STMN3: variants seen among roughly 807,000 people sequenced by gnomAD.
STMN3 encodes stathmin 3.
Under a neutral mutation model 23.2 loss-of-function variants are expected in STMN3, and 24 were observed. The observed-to-expected ratio is 1.03, with a 90% CI of 0.75 to 1.45. The LOEUF (loss-of-function observed/expected upper bound fraction) is 1.45, where lower values mean the gene tolerates loss of function less well. Ranked by LOEUF, STMN3 falls within the 40% of genes most tolerant of loss-of-function variation. The pLI, the probability that STMN3 is intolerant of heterozygous loss-of-function variation, is 0.00. For synonymous variants in STMN3, 117 were observed against 103.4 expected (o/e 1.13, Z -0.80); for missense variants, 235 against 237.6 (o/e 0.99, Z 0.07).
At chr20:63,647,392 A>G (rs2089817310) in intron 1 of STMN3, among the ~76,000 whole-genome samples, 2 of 151,104 alleles carry the variant, frequency 1.3e-5, no homozygotes, top group Non-Finnish European at 2.9e-5. Flanking sequence ...CAAGGCGGGC[A>G]GATCATGAGG....
chr20:63,651,054 G>A (rs749297403), intron 1 of STMN3, among the ~76,000 whole-genome samples: 14 of 151,454 alleles, frequency 9.2e-5, no homozygotes, highest in Admixed American at 2.0e-4. Context: ...CCCTCTCCCC[G>A]GGTCAAGCAA....
Position 63,652,656 on chromosome 20 carries a change from G to C in STMN3, c.19+671C>G. The C allele has an allele frequency of 2.0e-6, 2 of 985,566 alleles. No individual in the cohort carries two copies. Among genetic ancestry groups the C allele is most frequent in the Non-Finnish European group, 2.4e-6 (2 of 830,044 alleles). The allele number at this position is 985,566 out of a possible 1,614,324, so 61.1% of individuals were successfully genotyped here. ...CTGGTCTCCGGAGGGTTTGGGGATC[G>C]CAGTCGCCCCTCCCCCATCCAGACC... On this transcript the variant is annotated intron_variant, in intron 1 of 4. Coordinates refer to ENST00000370053, the MANE Select transcript of STMN3 (RefSeq NM_015894.4). The surrounding 1 kb of genome is among the most constrained non-coding windows in gnomAD (Gnocchi z 5.3).
Position 63,641,268 on chromosome 20 carries a change from G to A in STMN3, c.*70C>T. 12 of 1,406,120 alleles carry A rather than the reference G, an allele frequency of 8.5e-6. No individual in the cohort carries two copies. The South Asian group carries it at 1.5e-4, about 17-fold the overall frequency. The allele number at this position is 1,406,120 out of a possible 1,614,324, so 87.1% of individuals were successfully genotyped here. On this transcript the variant is annotated 3_prime_UTR_variant, in exon 5 of 5. Coordinates refer to ENST00000370053, the MANE Select transcript of STMN3 (RefSeq NM_015894.4). ...GAGGAACAAAAGTTGCATCTAGACA[G>A]AGGTGAACGAAACAAAACCAAAACC...
chr20:63,653,394 G>T lies in STMN3; in HGVS notation c.-49C>A, dbSNP rs991935950. The T allele has an allele frequency of 4.6e-6, 7 of 1,531,408 alleles. No homozygotes were observed. Among genetic ancestry groups the T allele is most frequent in the Admixed American group, 2.0e-5 (1 of 49,696 alleles). The allele number at this position is 1,531,408 out of a possible 1,614,324, so 94.9% of individuals were successfully genotyped here. A position where few individuals can be genotyped will look rare whatever the true frequency, so the allele number is the denominator to read the frequency against. On this transcript the variant is annotated 5_prime_UTR_variant, in exon 1 of 5. Coordinates refer to ENST00000370053, the MANE Select transcript of STMN3 (RefSeq NM_015894.4). ...CGGAGGCTGGAGAGGCGCAAGTGGC[G>T]GCCGGAGCTGCAGACGGCTGGTGCT... is the stretch of plus-strand genomic sequence containing the variant.
chr20:63,651,475 C>T (rs1299365984), intron 1 of STMN3, among the ~76,000 whole-genome samples: 1 of 152,116 alleles, frequency 6.6e-6, no homozygotes, highest in Non-Finnish European at 1.5e-5. Context: ...TGCCGGCTCC[C>T]CCCGGGGGCA....
In STMN3 at chr20:63,642,166, A is replaced by C. The variant is rs139855814; in HGVS notation, c.425T>G (p.Leu142Arg). 4 of 1,504,656 alleles carry C rather than the reference A, an allele frequency of 2.7e-6. No homozygotes were observed. The African/African-American group carries it at 4.6e-5, about 17-fold the overall frequency. 93.2% of individuals were successfully genotyped at this position (1,504,656 alleles called of 1,614,324 possible). A position where few individuals can be genotyped will look rare whatever the true frequency, so the allele number is the denominator to read the frequency against. ...AEEKLNYKME[L>R]SKEIREAHLA... is the part of the protein sequence containing the mutation. The stretch of plus-strand genomic sequence containing the variant: ...GTGTGCCTCGCGGATCTCCTTGCTG[A>C]GCTCCATCTTGTAGTTGAGCTTCTC... Residue 142 changes from leucine to arginine, a missense_variant, in exon 4 of 5, where the codon CTC (leucine) becomes CGC (arginine). Coordinates refer to ENST00000370053, the MANE Select transcript of STMN3 (RefSeq NM_015894.4).
At chr20:63,644,062 A>G (rs756907593) in intron 2 of STMN3, 131 bp from the exon 3 acceptor site, 7 of 1,389,286 alleles carry the variant, frequency 5.0e-6, no homozygotes, top group Non-Finnish European at 6.8e-6. Context: ...CAGGAATCCC[A>G]GGCTTCAGCC....
At chr20:63,647,821 AATATATATACGTATATATGTATATAT>A in intron 1 of STMN3, among the ~76,000 whole-genome samples, 4 of 128,466 alleles carry the variant, frequency 3.1e-5, no homozygotes, top group East Asian at 2.0e-4. Context: ...GTGTATATAT[AATATATATACGTATATATGTATATAT>A]TAATATATAT....
intron 1 of STMN3, 95 bp from the exon 2 acceptor site, chr20:63,644,404 G>C: frequency 2.2e-6 from 2 of 916,670 alleles, no homozygotes; most frequent in Non-Finnish European, 3.4e-6. Flanking sequence ...TCATGTCTCT[G>C]TGAGACACGG....
At chr20:63,644,447 C>T in intron 1 of STMN3, 138 bp from the exon 2 acceptor site, 2 of 650,166 alleles carry the variant, frequency 3.1e-6, no homozygotes, top group Non-Finnish European at 5.4e-6. Context: ...TGTGTCTCCA[C>T]ACCGCCGGCC....
intron 1 of STMN3, among the ~76,000 whole-genome samples, chr20:63,647,674 CGT>C (rs201412262): frequency 7.8e-5 from 8 of 103,048 alleles, no homozygotes; most frequent in South Asian, 5.5e-4. Context: ...TATATATATA[CGT>C]ATATATACAC....
chr20:63,645,676 T>C (rs1383581046), intron 1 of STMN3, among the ~76,000 whole-genome samples: 1 of 152,148 alleles, frequency 6.6e-6, no homozygotes, highest in African/African-American at 2.4e-5. Flanking sequence ...TTTGGCTGGG[T>C]GCAGTGGCTC....
intron 2 of STMN3, 103 bp from the exon 3 acceptor site, chr20:63,644,034 A>G: frequency 2.0e-6 from 3 of 1,488,712 alleles, no homozygotes; most frequent in East Asian, 2.3e-5. Context: ...GCTGGGCGAG[A>G]GGGGGTGGCT....
chr20:63,643,794 G>C lies in STMN3; in HGVS notation c.253C>G (p.Leu85Val). 6.4e-7 allele frequency: 1 copy of C among 1,554,420 alleles called. No homozygotes were observed. The highest frequency in any genetic ancestry group is 8.6e-7 in the Non-Finnish European group (1 of 1,159,160). ...PKKKDTSLEE[L>V]QKRLEAAEER... is the part of the protein sequence containing the mutation. Reference sequence around the variant, plus strand: ...TCGGCTGCCTCCAGCCGCTTTTGCAGCTCCTCCAGGGAGGTGTCCTTCTTC... The same window carrying C: ...TCGGCTGCCTCCAGCCGCTTTTGCACCTCCTCCAGGGAGGTGTCCTTCTTC... The change falls in exon 3 of 5, where the codon CTG (leucine) becomes GTG (valine). Residue 85 changes from leucine to valine, a missense_variant. Coordinates refer to ENST00000370053, the MANE Select transcript of STMN3 (RefSeq NM_015894.4).
chr20:63,652,905 C>G lies in STMN3; in HGVS notation c.19+422G>C. 1.4e-5 allele frequency: 8 copies of G among 568,570 alleles called. No individual in the cohort carries two copies. The highest frequency in any genetic ancestry group is 1.8e-5 in the Non-Finnish European group (8 of 448,874). The allele number at this position is 568,570 out of a possible 1,614,324, so 35.2% of individuals were successfully genotyped here. On this transcript the variant is annotated intron_variant, in intron 1 of 4. Transcript: ENST00000370053. The surrounding 1 kb of genome is among the most constrained non-coding windows in gnomAD (Gnocchi z 5.3). ...CGGCTGGGGCTTTGGCAGAGGGTCC[C>G]ACCCTCTCCCCGCCTCCCCACGAAG... is the stretch of plus-strand genomic sequence containing the variant.
rs2089871910 is a variant in STMN3 at position 63,652,904 on chromosome 20, C to A, written c.19+423G>T. ...CCGGCTGGGGCTTTGGCAGAGGGTC[C>A]CACCCTCTCCCCGCCTCCCCACGAA... On this transcript the variant is annotated intron_variant, in intron 1 of 4. Transcript: ENST00000370053. The surrounding 1 kb of genome is among the most constrained non-coding windows in gnomAD (Gnocchi z 5.3). The A allele has an allele frequency of 3.0e-5, 17 of 566,406 alleles. No individual in the cohort carries two copies. The highest frequency in any genetic ancestry group is 3.8e-5 in the Non-Finnish European group (17 of 446,998). 35.1% of individuals were successfully genotyped at this position (566,406 alleles called of 1,614,324 possible).
At position 63,652,846 on chromosome 20, in the gene STMN3, C is replaced by G. The variant is rs534159766; in HGVS notation, c.19+481G>C. ...CCTCCTTCAGCGCCCCCTCCAGCCCCTGTGCTGCACTGGCGCGGGGAGCGC... is the reference window on the plus strand; with the variant it reads ...CCTCCTTCAGCGCCCCCTCCAGCCCGTGTGCTGCACTGGCGCGGGGAGCGC... On this transcript the variant is annotated intron_variant, in intron 1 of 4. Coordinates refer to ENST00000370053, the MANE Select transcript of STMN3 (RefSeq NM_015894.4). The surrounding 1 kb of genome is among the most constrained non-coding windows in gnomAD (Gnocchi z 5.3). 70 of 951,670 alleles carry G rather than the reference C, an allele frequency of 7.4e-5. No individual in the cohort carries two copies. The East Asian group carries it at 4.8e-3, about 66-fold the overall frequency. 59.0% of individuals were successfully genotyped at this position (951,670 alleles called of 1,614,324 possible).
chr20:63,641,597 T>C (rs1306406695), intron 4 of STMN3, among the ~76,000 whole-genome samples, 200 bp from the exon 5 acceptor site: 1 of 152,172 alleles, frequency 6.6e-6, no homozygotes, highest in Non-Finnish European at 1.5e-5. Flanking sequence ...ACGGGTTTCC[T>C]GGGAGCTGGC....
At chr20:63,649,544 T>G (rs921307790) in intron 1 of STMN3, among the ~76,000 whole-genome samples, 1 of 152,120 alleles carries the variant, frequency 6.6e-6, no homozygotes, top group African/African-American at 2.4e-5. Context: ...CTTTTTGTTT[T>G]TTTGGAGACG....
Sources: allele counts gnomAD v4.1 joint callset (sites outside exome capture counted in the v4.1 genomes callset), GRCh38; gene constraint gnomAD v4.1.1; non-coding constraint Gnocchi (gnomAD v3.1); transcripts MANE v1.5; gene names NCBI Gene and HGNC (gene_info 2026-07-23, HGNC 2026-07-21).